The following NLGN4X variants were observed in gnomAD, a reference collection of about 807,000 sequenced individuals.
NLGN4X encodes neuroligin-4, X-linked.
NLGN4X carries 3 observed loss-of-function variants against 40.3 expected under a neutral mutation model. The ratio of observed to expected loss-of-function variants is 0.07; its 90% CI spans 0.03 to 0.19. NLGN4X has a LOEUF of 0.19. NLGN4X is among the 10% of genes least tolerant of loss of function. NLGN4X has a pLI of 1.00. For missense variants in NLGN4X, 382 were observed against 708.3 expected (o/e 0.54, Z 5.23); for synonymous variants, 270 against 306.8 (o/e 0.88, Z 1.25).
intron 1 of NLGN4X, among the ~76,000 whole-genome samples, chrX:6,197,870 C>G (rs1602408098): frequency 9.2e-6 from 1 of 109,175 alleles, no homozygotes; most frequent in African/African-American, 3.3e-5. Flanking sequence ...TTGAGACCAG[C>G]CTGGGCAACA....
intron 3 of NLGN4X, among the ~76,000 whole-genome samples, chrX:5,936,562 A>G (rs770723381): frequency 1.5e-4 from 17 of 112,047 alleles, no homozygotes; most frequent in African/African-American, 4.9e-4. Context: ...CCAGACAGGA[A>G]TGAACACGTG....
At chrX:6,227,644 T>C (rs765720150) in intron 1 of NLGN4X, 1 of 110,594 alleles carries the variant, frequency 9.0e-6, no homozygotes, top group East Asian at 2.9e-4. Context: ...GGGAAAGGGG[T>C]GCATGGAGCC....
At chrX:6,104,844 T>C (rs1046733698) in intron 2 of NLGN4X, among the ~76,000 whole-genome samples, 1 of 110,679 alleles carries the variant, frequency 9.0e-6, no homozygotes, top group Non-Finnish European at 1.9e-5. Flanking sequence ...TATATGGAGT[T>C]AGAGGTAGGA....
chrX:6,215,311 G>C lies in NLGN4X; in HGVS notation c.-306+13230C>G, dbSNP rs533112336. Among the ~76,000 whole-genome samples, 11 of 106,176 alleles carry C rather than the reference G, an allele frequency of 1.0e-4. No individual in the cohort carries two copies. In the South Asian group the frequency reaches 4.4e-3, roughly 42 times the overall value. 92.2% of individuals were successfully genotyped at this position (106,176 alleles called of 115,157 possible). On this transcript the variant is annotated intron_variant, in intron 1 of 5. Coordinates refer to ENST00000381095, the MANE Select transcript of NLGN4X (RefSeq NM_181332.3). ...CACGCCTGTAATCCCAGCACTTTGAGAGGCCAAGGCAGGTGGATCACCTGA... is the reference window on the plus strand; with the variant it reads ...CACGCCTGTAATCCCAGCACTTTGACAGGCCAAGGCAGGTGGATCACCTGA...
At chrX:5,977,228 T>A (rs1470050888) in intron 3 of NLGN4X, among the ~76,000 whole-genome samples, 1 of 111,723 alleles carries the variant, frequency 9.0e-6, no homozygotes, top group Non-Finnish European at 1.9e-5. Context: ...TTATTTTTAT[T>A]TTTTAGAGAC....
intron 3 of NLGN4X, among the ~76,000 whole-genome samples, chrX:5,934,666 C>T (rs917305115): frequency 8.9e-6 from 1 of 111,966 alleles, no homozygotes; most frequent in African/African-American, 3.2e-5. Context: ...GATTTCTGAC[C>T]TACAGATCCC....
intron 2 of NLGN4X, among the ~76,000 whole-genome samples, chrX:6,053,399 T>G (rs1179767244): frequency 9.0e-6 from 1 of 111,047 alleles, no homozygotes; most frequent in East Asian, 2.8e-4. Context: ...TGCAGCAGAC[T>G]GGAACTCCAC....
Position 5,891,717 on chromosome X carries a change from G to T in NLGN4X, c.*1100C>A. On this transcript the variant is annotated 3_prime_UTR_variant, in exon 6 of 6. Transcript: ENST00000381095. ...GTTTCTCCCTACTGATTCTTTGTGT[G>T]TGCATGTCTCTAATTTAACAAGCTG... The T allele has an allele frequency of 5.6e-6, 1 of 178,434 alleles. No homozygotes were observed. Among genetic ancestry groups the T allele is most frequent in the South Asian group, 9.6e-5 (1 of 10,386 alleles). The allele number at this position is 178,434 out of a possible 1,213,427, so 14.7% of individuals were successfully genotyped here.
intron 3 of NLGN4X, among the ~76,000 whole-genome samples, chrX:5,941,154 A>C (rs2033918893): frequency 1.1e-5 from 1 of 93,298 alleles, no homozygotes; most frequent in Non-Finnish European, 2.1e-5. Flanking sequence ...AAAAGATAAA[A>C]CGTTGTTCTG....
intron 2 of NLGN4X, among the ~76,000 whole-genome samples, chrX:6,128,996 G>A (rs139079121): frequency 0.025 from 2,788 of 111,293 alleles, 44 homozygotes; most frequent in Non-Finnish European, 0.039. Context: ...CTGCTGTGTG[G>A]TCTCCTGAAA....
At chrX:5,898,223 TCC>T (rs1403359206) in intron 5 of NLGN4X, among the ~76,000 whole-genome samples, 20 of 71,672 alleles carry the variant, frequency 2.8e-4, no homozygotes, top group Non-Finnish European at 7.8e-5. Context: ...CTTCCTCTCC[TCC>T]CCCCTTACCT....
intron 2 of NLGN4X, among the ~76,000 whole-genome samples, chrX:6,102,749 T>C (rs1270851180): frequency 2.7e-5 from 3 of 110,948 alleles, no homozygotes; most frequent in Non-Finnish European, 3.8e-5. Context: ...TATAGATACA[T>C]ACATATATGC....
At chrX:6,224,276 G>A (rs955609856) in intron 1 of NLGN4X, among the ~76,000 whole-genome samples, 2 of 112,475 alleles carry the variant, frequency 1.8e-5, no homozygotes, top group Non-Finnish European at 3.8e-5. Context: ...AAGAAAGAAT[G>A]TTAAACGGAG....
At chrX:5,939,376 G>C (rs1279320152) in intron 3 of NLGN4X, among the ~76,000 whole-genome samples, 1 of 111,363 alleles carries the variant, frequency 9.0e-6, no homozygotes, top group Non-Finnish European at 1.9e-5. Context: ...CACACACACA[G>C]AAGCAGATGC....
At chrX:6,127,016 T>A (rs1001125975) in intron 2 of NLGN4X, among the ~76,000 whole-genome samples, 3 of 86,859 alleles carry the variant, frequency 3.5e-5, no homozygotes, top group Non-Finnish European at 7.0e-5. Context: ...TTCAAGACTT[T>A]TCCTCATCTC....
At chrX:5,964,948 A>G (rs1022789145) in intron 3 of NLGN4X, among the ~76,000 whole-genome samples, 1 of 112,412 alleles carries the variant, frequency 8.9e-6, no homozygotes, top group Non-Finnish European at 1.9e-5. Flanking sequence ...TAATAGTTAA[A>G]ATGTATAAAA....
In NLGN4X at chrX:6,151,054, T is replaced by C. The variant is rs141550177; in HGVS notation, c.413A>G (p.Tyr138Cys). Residue 138 changes from tyrosine (Y) to cysteine (C), a missense_variant, in exon 2 of 6, where the codon TAT (tyrosine) becomes TGT (cysteine). By Grantham distance (194) the Tyr-to-Cys change is radical. This residue lies in a region of NLGN4X where 115 missense variants were observed against 149.6 expected (regional missense o/e 0.77). Transcript: ENST00000381095. Reference protein sequence around the residue: ...FTANLDTLMTYVQDQNEDCLY... With the variant: ...FTANLDTLMTCVQDQNEDCLY... The stretch of plus-strand genomic sequence containing the variant: ...GCAGTCTTCATTTTGATCTTGAACA[T>C]AGGTCATCAAAGTATCCAAATTGGC... 8.3e-7 allele frequency: 1 copy of C among 1,211,958 alleles called. No individual in the cohort carries two copies. Among genetic ancestry groups the C allele is most frequent in the Non-Finnish European group, 1.1e-6 (1 of 895,518 alleles).
At chrX:5,965,379 C>A (rs1045300304) in intron 3 of NLGN4X, among the ~76,000 whole-genome samples, 4 of 111,980 alleles carry the variant, frequency 3.6e-5, no homozygotes, top group South Asian at 3.8e-4. Context: ...AAGTGTGTAA[C>A]CAATGTGGCC....
chrX:6,129,697 T>G (rs922988818), intron 2 of NLGN4X, among the ~76,000 whole-genome samples: 1 of 110,939 alleles, frequency 9.0e-6, no homozygotes, highest in African/African-American at 3.3e-5. Flanking sequence ...AAGAATGCTT[T>G]GCTTACTTCA....
Sources: gnomAD v4.1 joint callset for allele counts (sites outside exome capture counted in the v4.1 genomes callset) on GRCh38, gnomAD v4.1.1 for gene constraint, gnomAD v4.1.1 regional missense constraint, MANE v1.5 for transcripts, NCBI Gene and HGNC (gene_info 2026-07-23, HGNC 2026-07-21) for gene names.